Variants in KIF26A observed in about 807,000 individuals in gnomAD.
KIF26A encodes kinesin-like protein KIF26A.
A neutral mutation model predicts 126.0 loss-of-function variants in KIF26A; 74 were observed. The observed-to-expected ratio is 0.59, with a 90% CI of 0.49 to 0.71. The LOEUF (loss-of-function observed/expected upper bound fraction) is 0.71, where lower values mean the gene tolerates loss of function less well. Among genes scored for constraint, KIF26A ranks in the 30% least tolerant of loss-of-function variants. The pLI, the probability that KIF26A is intolerant of heterozygous loss-of-function variation, is 0.00. For missense variants in KIF26A, 2,984 were observed against 2,763.3 expected, an observed-to-expected ratio of 1.08 and a Z score of -1.79; for synonymous variants, 1,445 against 1,232.7, an observed-to-expected ratio of 1.17 and a Z score of -3.61.
Position 104,175,886 on chromosome 14 carries a change from T to G in KIF26A, c.3098T>G (p.Val1033Gly), listed in dbSNP as rs767202398. ...PVELNGEDEL[V>G]FTVVEELSLG... The stretch of plus-strand genomic sequence containing the variant: ...GAGCTCAACGGCGAGGACGAGCTGG[T>G]GTTCACGGTGGTGGAGGAGCTGTCC... Residue 1033 changes from valine (V) to glycine (G), a missense_variant, in exon 12 of 15, where the codon GTG (valine) becomes GGG (glycine). Physicochemically the swap from Val to Gly is moderately radical, Grantham distance 109. Transcript: ENST00000423312. 2 of 1,541,502 alleles carry G rather than the reference T, an allele frequency of 1.3e-6. No individual in the cohort carries two copies. Among genetic ancestry groups the G allele is most frequent in the East Asian group, 2.4e-5 (1 of 41,274 alleles).
rs1430375356 is a variant in KIF26A at position 104,173,902 on chromosome 14, G to A, written c.2030+34G>A. ...AGGGCCTGGGCAGGTGCCGACCAGG[G>A]TGGCCCCTTGGTGACCTGGTAAATC... On this transcript the variant is annotated intron_variant, in intron 10 of 14. Transcript: ENST00000423312. 3.3e-6 allele frequency: 5 copies of A among 1,537,544 alleles called. No homozygotes were observed. In the East Asian group the frequency reaches 6.8e-5, roughly 21 times the overall value.
rs376499507 is a variant in KIF26A, at chr14:104,138,992, T to A, written c.43-51T>A. Reference sequence around the variant, plus strand: ...GGGGCAGGGCGCGCAGGGGTCTGGATCCGACGGACGTCCCAGGCTCACTGT... The same window carrying A: ...GGGGCAGGGCGCGCAGGGGTCTGGAACCGACGGACGTCCCAGGCTCACTGT... On this transcript the variant is annotated intron_variant, in intron 1 of 14. Transcript: ENST00000423312. The A allele has an allele frequency of 1.5e-5, 20 of 1,322,776 alleles. 1 individual carries two copies. In the East Asian group the frequency reaches 2.8e-4, roughly 19 times the overall value. The allele number at this position is 1,322,776 out of a possible 1,614,324, so 81.9% of individuals were successfully genotyped here. A position where few individuals can be genotyped will look rare whatever the true frequency, so the allele number is the denominator to read the frequency against.
chr14:104,160,468 G>A (rs1006003655), intron 4 of KIF26A, among the ~76,000 whole-genome samples: 5 of 152,308 alleles, frequency 3.3e-5, no homozygotes, highest in Middle Eastern at 3.4e-3. Flanking sequence ...TGCTAACAGG[G>A]GCATAGATAG....
chr14:104,174,851 C>T, intron 11 of KIF26A, 131 bp from the exon 12 acceptor site: 1 of 943,370 alleles, frequency 1.1e-6, no homozygotes, highest in Non-Finnish European at 1.5e-6. Flanking sequence ...TTTGGTGGGA[C>T]ATGGTTGGTG....
intron 4 of KIF26A, among the ~76,000 whole-genome samples, chr14:104,165,825 G>T (rs1017300939): frequency 4.5e-4 from 69 of 152,028 alleles, no homozygotes; most frequent in African/African-American, 1.5e-3. Context: ...GTTTCTGTGT[G>T]CATGTGTGTG....
chr14:104,142,568 T>G (rs960087172), intron 2 of KIF26A, among the ~76,000 whole-genome samples: 20 of 152,182 alleles, frequency 1.3e-4, no homozygotes, highest in African/African-American at 3.6e-4. Flanking sequence ...TGCTCTGGCC[T>G]CAGGGGCCCC....
intron 4 of KIF26A, among the ~76,000 whole-genome samples, chr14:104,163,424 CT>C (rs907680480): frequency 1.3e-5 from 2 of 152,278 alleles, no homozygotes; most frequent in Admixed American, 1.3e-4. Context: ...CCCTGATCTG[CT>C]GTGTGAGTGA....
intron 2 of KIF26A, among the ~76,000 whole-genome samples, chr14:104,147,183 C>G (rs1251054012): frequency 6.6e-6 from 1 of 152,204 alleles, no homozygotes; most frequent in East Asian, 1.9e-4. Flanking sequence ...TGCCCCTCTG[C>G]CACCCCACCT....
intron 4 of KIF26A, among the ~76,000 whole-genome samples, chr14:104,162,442 G>A (rs954983095): frequency 1.3e-5 from 2 of 152,228 alleles, no homozygotes; most frequent in Non-Finnish European, 2.9e-5. Flanking sequence ...GGTCACTGGA[G>A]GGGCAGAGCC....
intron 4 of KIF26A, among the ~76,000 whole-genome samples, chr14:104,161,034 C>CG (rs1290638740): frequency 5.4e-5 from 6 of 110,392 alleles, no homozygotes; most frequent in African/African-American, 2.5e-4. Flanking sequence ...AGTGCGCTGC[C>CG]CGAGGCTTAG....
chr14:104,179,948 G>A lies in KIF26A; in HGVS notation c.*158G>A, dbSNP rs1162210141. 9.2e-6 allele frequency: 7 copies of A among 760,296 alleles called. No individual in the cohort carries two copies. The highest frequency in any genetic ancestry group is 1.2e-5 in the Non-Finnish European group (6 of 496,756). 47.1% of individuals were successfully genotyped at this position (760,296 alleles called of 1,614,324 possible). A position where few individuals can be genotyped will look rare whatever the true frequency, so the allele number is the denominator to read the frequency against. ...GGAGACGGAGTGTGGGGGAGGGAGG[G>A]CCGGCCACGCGGTGGACAGAGCGAG... On this transcript the variant is annotated 3_prime_UTR_variant, in exon 15 of 15. Coordinates refer to ENST00000423312, the MANE Select transcript of KIF26A (RefSeq NM_015656.2).
At chr14:104,157,157 C>CG (rs918251401) in intron 3 of KIF26A, among the ~76,000 whole-genome samples, 5 of 152,242 alleles carry the variant, frequency 3.3e-5, no homozygotes, top group Admixed American at 1.3e-4. Flanking sequence ...TGGGCTGTCC[C>CG]GGGCGTTTAA....
At chr14:104,167,275 G>C (rs1169321269) in intron 5 of KIF26A, among the ~76,000 whole-genome samples, 2 of 152,066 alleles carry the variant, frequency 1.3e-5, no homozygotes, top group Non-Finnish European at 2.9e-5. Flanking sequence ...TGTCCTAGGG[G>C]TCCCAGGGGC....
chr14:104,176,711 G>T lies in KIF26A; in HGVS notation c.3923G>T (p.Arg1308Met). 1 of 1,587,792 alleles carries T rather than the reference G, an allele frequency of 6.3e-7. No homozygotes were observed. The highest frequency in any genetic ancestry group is 8.6e-7 in the Non-Finnish European group (1 of 1,167,884). Residue 1308 changes from arginine to methionine, a missense_variant, in exon 12 of 15, where the codon AGG becomes ATG. Transcript: ENST00000423312. ...GTGGCTCGGATCCCACCGCTGCGGA[G>T]GGGTGCCACCACGCTGGGTGTGACA... ...EAVARIPPLR[R>M]GATTLGVTTP...
rs1370788095 is a variant in KIF26A, at chr14:104,152,222, A to G, written c.496A>G (p.Thr166Ala). The change falls in exon 3 of 15, where the codon ACC (threonine) becomes GCC (alanine). Residue 166 changes from threonine to alanine, a missense_variant. Thr to Ala is a moderately conservative substitution (Grantham distance 58). Coordinates refer to ENST00000423312, the MANE Select transcript of KIF26A (RefSeq NM_015656.2). This position sits in a 1 kb window ranked among gnomAD's most constrained non-coding sequence, Gnocchi z 5.9. ...HGGPSLAPPS[T>A]TTSSRDTPGP... ...AGGCCCCAGCCTCGCACCCCCCAGC[A>G]CCACGACCAGCTCGAGGGACACGCC... 1.2e-6 allele frequency: 2 copies of G among 1,600,886 alleles called. No individual in the cohort carries two copies. The highest frequency in any genetic ancestry group is 2.3e-5 in the East Asian group (1 of 44,028).
At position 104,152,548 on chromosome 14, in the gene KIF26A, C is replaced by T. The variant is rs985279157; in HGVS notation, c.735+87C>T. The T allele has an allele frequency of 3.5e-5, 46 of 1,314,802 alleles. No individual in the cohort carries two copies. The highest frequency in any genetic ancestry group is 4.5e-5 in the Non-Finnish European group (44 of 981,984). The allele number at this position is 1,314,802 out of a possible 1,614,324, so 81.4% of individuals were successfully genotyped here. On this transcript the variant is annotated intron_variant, in intron 3 of 14. Coordinates refer to ENST00000423312, the MANE Select transcript of KIF26A (RefSeq NM_015656.2). The surrounding 1 kb of genome is among the most constrained non-coding windows in gnomAD (Gnocchi z 5.9). Reference sequence around the variant, plus strand: ...GGGGGTCTCTGTCCACGTTGAGTGCCCTGCAGTAAGGCTTCCCTGAAGGGA... The same window carrying T: ...GGGGGTCTCTGTCCACGTTGAGTGCTCTGCAGTAAGGCTTCCCTGAAGGGA...
Position 104,176,201 on chromosome 14 carries a change from TGGCA to T in KIF26A, c.3416_3419del (p.Ala1139GlyfsTer108). 6.2e-7 allele frequency: 1 copy of T among 1,601,086 alleles called. No individual in the cohort carries two copies. The highest frequency in any genetic ancestry group is 8.5e-7 in the Non-Finnish European group (1 of 1,175,066). On this transcript the variant is annotated frameshift_variant, in exon 12 of 15. Coordinates refer to ENST00000423312, the MANE Select transcript of KIF26A (RefSeq NM_015656.2). LOFTEE classifies it high-confidence loss of function. ...CAGCCCCGCTTCAGCCCCGACTCGCTGGCAGGGCTTGACCCTGGGGGCCCCCCTG... is the reference window on the plus strand; with the variant it reads ...CAGCCCCGCTTCAGCCCCGACTCGCTGGGCTTGACCCTGGGGGCCCCCCTG...
Position 104,177,864 on chromosome 14 carries a change from C to T in KIF26A, c.5076C>T (p.Thr1692=). The change falls in exon 12 of 15, where the codon ACC becomes ACT. Residue 1692 remains threonine, a synonymous_variant. Transcript: ENST00000423312. ...GGGCTGCCTCCCCAGGCGCCCGCAC[C>T]CGCAGCCTCAAGTCCCCCAAGAAGA... ...ESGAASPGAR[T]RSLKSPKKRA... The T allele has an allele frequency of 6.4e-7, 1 of 1,556,310 alleles. No homozygotes were observed. The highest frequency in any genetic ancestry group is 8.6e-7 in the Non-Finnish European group (1 of 1,157,868).
intron 4 of KIF26A, among the ~76,000 whole-genome samples, chr14:104,166,283 A>G (rs2037901384): frequency 6.6e-6 from 1 of 152,030 alleles, no homozygotes; most frequent in African/African-American, 2.4e-5. Flanking sequence ...GGGGTGTGGT[A>G]ATCTCGACAG....
Sources: gnomAD v4.1 joint callset for allele counts (sites outside exome capture counted in the v4.1 genomes callset) on GRCh38, gnomAD v4.1.1 for gene constraint, Gnocchi (gnomAD v3.1) non-coding constraint, MANE v1.5 for transcripts, NCBI Gene and HGNC (gene_info 2026-07-23, HGNC 2026-07-21) for gene names.